The following AGBL4 variants were observed in gnomAD, a reference collection of about 807,000 sequenced individuals.
AGBL4 encodes AGBL carboxypeptidase 4.
In AGBL4, 58 loss-of-function variants were observed where a neutral mutation model predicts 66.4. The observed-to-expected ratio is 0.87, with a 90% CI of 0.71 to 1.09. The LOEUF is 1.09. AGBL4 is among the 50% of genes least tolerant of loss of function. AGBL4 has a pLI of 0.00. For synonymous variants in AGBL4, 234 were observed against 222.9 expected (o/e 1.05, Z -0.44); for missense variants, 579 against 631.0 (o/e 0.92, Z 0.88).
chr1:48,894,012 T>C (rs1048905558), intron 5 of AGBL4, among the ~76,000 whole-genome samples: 2 of 152,224 alleles, frequency 1.3e-5, no homozygotes, highest in Non-Finnish European at 2.9e-5. Flanking sequence ...CATCATGTAC[T>C]GGCCACCAGA....
chr1:49,654,182 A>G (rs533015368), intron 3 of AGBL4, among the ~76,000 whole-genome samples: 3 of 152,282 alleles, frequency 2.0e-5, no homozygotes, highest in Admixed American at 6.5e-5. Context: ...ACATTCTTAA[A>G]GAAAAAAATG....
chr1:49,555,681 T>C lies in AGBL4; in HGVS notation c.282+141632A>G, dbSNP rs188347100. 2.9e-4 allele frequency among the ~76,000 whole-genome samples: 43 copies of C among 149,176 alleles called. 1 individual carries two copies. The highest frequency in any genetic ancestry group is 4.0e-4 in the Non-Finnish European group (27 of 67,390). The stretch of plus-strand genomic sequence containing the variant: ...AATCTACAAAGAACTCAAACAAATT[T>C]ACAAGAAAAAAAAAAACCCATCAAA... On this transcript the variant is annotated intron_variant, in intron 3 of 13. Coordinates refer to ENST00000371839, the MANE Select transcript of AGBL4 (RefSeq NM_032785.4).
chr1:49,224,054 A>AC (rs1440856935), intron 4 of AGBL4, among the ~76,000 whole-genome samples: 2 of 152,206 alleles, frequency 1.3e-5, no homozygotes, highest in African/African-American at 4.8e-5. Context: ...CATCTGCCAT[A>AC]CTACTAAAGG....
chr1:48,694,304 G>T (rs1395288024), intron 6 of AGBL4, among the ~76,000 whole-genome samples: 1 of 152,126 alleles, frequency 6.6e-6, no homozygotes, highest in Non-Finnish European at 1.5e-5. Context: ...TGGAGATGCA[G>T]AACTACTGAC....
At chr1:49,080,573 C>A (rs1644791659) in intron 4 of AGBL4, among the ~76,000 whole-genome samples, 1 of 152,068 alleles carries the variant, frequency 6.6e-6, no homozygotes, top group Non-Finnish European at 1.5e-5. Context: ...GGATGTGCTC[C>A]ATACAGGTCA....
chr1:49,979,019 G>A (rs1346841449), intron 1 of AGBL4, among the ~76,000 whole-genome samples: 2 of 152,038 alleles, frequency 1.3e-5, no homozygotes, highest in Admixed American at 1.3e-4. Context: ...AAAACCTATA[G>A]ATGAACAATG....
In AGBL4 at chr1:49,457,866, C is replaced by T. The variant is rs185035682; in HGVS notation, c.283-212002G>A. Among the ~76,000 whole-genome samples the T allele has an allele frequency of 1.3e-4, 19 of 151,634 alleles. No individual in the cohort carries two copies. In the South Asian group the frequency reaches 1.5e-3, roughly 12 times the overall value. On this transcript the variant is annotated intron_variant, in intron 3 of 13. Transcript: ENST00000371839. The stretch of plus-strand genomic sequence containing the variant: ...GTTTGCTTTACCAAAGATAAATTGA[C>T]GGTAAGTATTTGGTTTTATTTCTGG...
chr1:49,044,896 T>C (rs888035096), intron 5 of AGBL4, among the ~76,000 whole-genome samples: 1 of 152,194 alleles, frequency 6.6e-6, no homozygotes, highest in African/African-American at 2.4e-5. Context: ...ACCTTGACTT[T>C]AACCTAGTGA....
At chr1:49,017,075 C>A (rs1662878419) in intron 5 of AGBL4, among the ~76,000 whole-genome samples, 1 of 152,150 alleles carries the variant, frequency 6.6e-6, no homozygotes, top group South Asian at 2.1e-4. Flanking sequence ...AGGAAGAAGC[C>A]TAGAATAGGG....
chr1:50,001,521 A>ATG (rs1369369257), intron 1 of AGBL4, among the ~76,000 whole-genome samples: 86 of 151,406 alleles, frequency 5.7e-4, no homozygotes, highest in Non-Finnish European at 8.8e-4. Context: ...ATATATATAT[A>ATG]TATGAATGTA....
chr1:49,048,724 T>C (rs1644140705), intron 4 of AGBL4, among the ~76,000 whole-genome samples: 1 of 152,060 alleles, frequency 6.6e-6, no homozygotes, highest in Non-Finnish European at 1.5e-5. Context: ...ATATGCATTA[T>C]GATTTGATCC....
intron 1 of AGBL4, among the ~76,000 whole-genome samples, chr1:49,855,996 C>T (rs1278466597): frequency 6.6e-6 from 1 of 151,316 alleles, no homozygotes; most frequent in African/African-American, 2.4e-5. Context: ...AAACTGCTAG[C>T]TAGCTAAACG....
chr1:49,566,560 C>T (rs1055275079), intron 3 of AGBL4, among the ~76,000 whole-genome samples: 4 of 152,192 alleles, frequency 2.6e-5, no homozygotes, highest in African/African-American at 9.7e-5. Context: ...TACTGGAGGT[C>T]CACTCCAGAC....
chr1:49,490,674 A>C (rs2148742676), intron 3 of AGBL4, among the ~76,000 whole-genome samples: 1 of 151,824 alleles, frequency 6.6e-6, no homozygotes, highest in East Asian at 1.9e-4. Flanking sequence ...CATCTGAAAA[A>C]TCCCAAGGAA....
chr1:48,866,505 C>A (rs77361588), intron 6 of AGBL4, among the ~76,000 whole-genome samples: 1 of 152,134 alleles, frequency 6.6e-6, no homozygotes, highest in African/African-American at 2.4e-5. Flanking sequence ...GCTCACTAAC[C>A]CTGCTGGCAC....
At chr1:49,131,376 A>G (rs1645892429) in intron 4 of AGBL4, among the ~76,000 whole-genome samples, 2 of 152,114 alleles carry the variant, frequency 1.3e-5, no homozygotes, top group South Asian at 2.1e-4. Context: ...AAGGTATGAA[A>G]TTTATTGTAC....
At chr1:48,858,487 T>C (rs1220676215) in intron 6 of AGBL4, among the ~76,000 whole-genome samples, 3 of 152,232 alleles carry the variant, frequency 2.0e-5, no homozygotes, top group Non-Finnish European at 4.4e-5. Context: ...TAATACTATT[T>C]GGCAAGAAAA....
Position 48,653,421 on chromosome 1 carries a change from G to A in AGBL4, c.755C>T (p.Pro252Leu), listed in dbSNP as rs780566342. ...GTATTCCCGGAGGACACAGGCAATA[G>A]GGTGCTGGCTTACAAGGAAGTCAAT... The part of the protein sequence containing the change: ...GIIDFLVSQH[P>L]IACVLREYLV... The change falls in exon 8 of 14, where the codon CCT becomes CTT. Residue 252 changes from proline to leucine, a missense_variant. Coordinates refer to ENST00000371839, the MANE Select transcript of AGBL4 (RefSeq NM_032785.4). The A allele has an allele frequency of 6.3e-7, 1 of 1,585,222 alleles. No individual in the cohort carries two copies. The highest frequency in any genetic ancestry group is 8.6e-7 in the Non-Finnish European group (1 of 1,164,916).
chr1:49,567,525 G>T (rs1427259779), intron 3 of AGBL4, among the ~76,000 whole-genome samples: 1 of 152,108 alleles, frequency 6.6e-6, no homozygotes, highest in South Asian at 2.1e-4. Flanking sequence ...TATAATAAAA[G>T]TATAGTAATT....
Sources: allele counts gnomAD v4.1 joint callset (sites outside exome capture counted in the v4.1 genomes callset), GRCh38; gene constraint gnomAD v4.1.1; transcripts MANE v1.5; gene names NCBI Gene and HGNC (gene_info 2026-07-23, HGNC 2026-07-21).